The following MAP3K5 variants were observed in gnomAD, a reference collection of about 807,000 sequenced individuals.
The protein encoded by MAP3K5 is ASK-1.
In MAP3K5, 56 loss-of-function variants were observed where a neutral mutation model predicts 158.7. That is an observed-to-expected ratio of 0.35 (90% CI 0.28 to 0.44). The LOEUF (loss-of-function observed/expected upper bound fraction) is 0.44, where lower values mean the gene tolerates loss of function less well. Ranked by LOEUF, MAP3K5 falls within the 20% of genes least tolerant of loss-of-function variation. The pLI, the probability that MAP3K5 is intolerant of heterozygous loss-of-function variation, is 1.00. For synonymous variants in MAP3K5, 579 were observed against 601.7 expected, an observed-to-expected ratio of 0.96 and a Z score of 0.55; for missense variants, 1,294 against 1,674.8, an observed-to-expected ratio of 0.77 and a Z score of 3.97.
rs549291320 is a variant in MAP3K5, at chr6:136,690,316, G to GT, written c.1253+3823dup. Among the ~76,000 whole-genome samples the GT allele has an allele frequency of 4.3e-4, 65 of 151,262 alleles. 1 individual carries two copies. The highest frequency in any genetic ancestry group is 1.2e-3 in the African/African-American group (48 of 41,268). On this transcript the variant is annotated intron_variant, in intron 7 of 29. Coordinates refer to ENST00000359015, the MANE Select transcript of MAP3K5 (RefSeq NM_005923.4). The stretch of plus-strand genomic sequence containing the variant: ...GCTTACTTTGCTCAACTTTTTTAAA[G>GT]TTTTTTTTTATGTTAAAACTTTAAT...
Position 136,557,247 on chromosome 6 carries a change from C to A in MAP3K5, c.*511G>T. 1 of 153,688 alleles carries A rather than the reference C, an allele frequency of 6.5e-6. No homozygotes were observed. Among genetic ancestry groups the A allele is most frequent in the Admixed American group, 6.5e-5 (1 of 15,434 alleles). The allele number at this position is 153,688 out of a possible 1,614,324, so 9.5% of individuals were successfully genotyped here. On this transcript the variant is annotated 3_prime_UTR_variant, in exon 30 of 30. Coordinates refer to ENST00000359015, the MANE Select transcript of MAP3K5 (RefSeq NM_005923.4). The stretch of plus-strand genomic sequence containing the variant: ...ACAATTAACACAGAGAAGTAAAAAC[C>A]ATTGCTCTCAGATTCTGCACACTTA...
chr6:136,594,114 A>G (rs1775516794), intron 21 of MAP3K5, among the ~76,000 whole-genome samples: 1 of 152,252 alleles, frequency 6.6e-6, no homozygotes, highest in African/African-American at 2.4e-5. Context: ...GAAGCCACAA[A>G]GAGTTGCTGA....
intron 14 of MAP3K5, among the ~76,000 whole-genome samples, chr6:136,627,766 G>A (rs1777110034): frequency 6.6e-6 from 1 of 152,136 alleles, no homozygotes; most frequent in African/African-American, 2.4e-5. Flanking sequence ...CTGGAACTGT[G>A]AGCAAAGCAT....
chr6:136,788,623 C>T (rs978548783), intron 1 of MAP3K5, among the ~76,000 whole-genome samples: 1 of 152,174 alleles, frequency 6.6e-6, no homozygotes, highest in African/African-American at 2.4e-5. Flanking sequence ...AGAAGGCATA[C>T]AAGCAGCCAA....
At position 136,561,596 on chromosome 6, in the gene MAP3K5, A is replaced by G; in HGVS notation, c.3924T>C (p.Thr1308=). 6.2e-7 allele frequency: 1 copy of G among 1,613,930 alleles called. No individual in the cohort carries two copies. Among genetic ancestry groups the G allele is most frequent in the Non-Finnish European group, 8.5e-7 (1 of 1,179,776 alleles). ...GCCAGTCGGTAAGTTCAGAATCTTC[A>G]GTATTTGTGCCAGAAGAATTTAGAT... ...VFHLNSSGTN[T]EDSELTDWLR... is the part of the protein sequence containing the mutation. The change falls in exon 28 of 30, where the codon ACT becomes ACC. Residue 1308 remains threonine, a synonymous_variant. Transcript: ENST00000359015.
At chr6:136,623,094 G>A (rs1776883213) in intron 14 of MAP3K5, 113 bp from the exon 15 acceptor site, 5 of 936,222 alleles carry the variant, frequency 5.3e-6, no homozygotes, top group Non-Finnish European at 8.3e-6. Flanking sequence ...GGCATTAACA[G>A]GCTGAAGTTC....
chr6:136,716,915 T>TG (rs1451900734), intron 2 of MAP3K5, among the ~76,000 whole-genome samples: 5 of 152,088 alleles, frequency 3.3e-5, no homozygotes, highest in Non-Finnish European at 7.4e-5. Context: ...CCCAGCACTT[T>TG]GGGGGGCCGA....
At chr6:136,739,258 A>G (rs948453378) in intron 1 of MAP3K5, among the ~76,000 whole-genome samples, 1 of 152,176 alleles carries the variant, frequency 6.6e-6, no homozygotes, top group Admixed American at 6.5e-5. Flanking sequence ...CCTGCCTGCT[A>G]TGCCTGGGGT....
chr6:136,685,077 A>T (rs1780089604), intron 7 of MAP3K5, among the ~76,000 whole-genome samples: 1 of 152,004 alleles, frequency 6.6e-6, no homozygotes, highest in Non-Finnish European at 1.5e-5. Flanking sequence ...GCACTTTGGG[A>T]GGTGAGGCAG....
At chr6:136,664,446 C>T (rs910418857) in intron 8 of MAP3K5, among the ~76,000 whole-genome samples, 4 of 152,124 alleles carry the variant, frequency 2.6e-5, no homozygotes, top group African/African-American at 7.2e-5. Context: ...AACCACCCCC[C>T]ACCCCTGGTC....
At chr6:136,615,759 G>A (rs1284683263) in intron 15 of MAP3K5, among the ~76,000 whole-genome samples, 2 of 152,060 alleles carry the variant, frequency 1.3e-5, no homozygotes, top group Non-Finnish European at 1.5e-5. Flanking sequence ...TATAATGGAG[G>A]CTACAGGTGT....
chr6:136,611,440 T>C, intron 17 of MAP3K5, 53 bp from the exon 18 acceptor site: 1 of 1,029,390 alleles, frequency 9.7e-7, no homozygotes, highest in South Asian at 1.4e-5. Context: ...AGATACTGTC[T>C]GTTGTTGACT....
chr6:136,771,151 T>C (rs1036530329), intron 1 of MAP3K5, among the ~76,000 whole-genome samples: 2 of 152,152 alleles, frequency 1.3e-5, no homozygotes, highest in African/African-American at 4.8e-5. Flanking sequence ...GCTACAAATA[T>C]GAATTAGGGA....
chr6:136,645,209 A>C (rs904470132), intron 11 of MAP3K5, among the ~76,000 whole-genome samples: 5 of 152,188 alleles, frequency 3.3e-5, no homozygotes, highest in Non-Finnish European at 7.3e-5. Flanking sequence ...CTGGGATTAC[A>C]GGTGTGAGTC....
chr6:136,742,375 T>C (rs1374845931), intron 1 of MAP3K5, among the ~76,000 whole-genome samples: 1 of 150,790 alleles, frequency 6.6e-6, no homozygotes, highest in Admixed American at 6.6e-5. Flanking sequence ...GGCAATATAA[T>C]GAAACAAGGA....
intron 1 of MAP3K5, among the ~76,000 whole-genome samples, chr6:136,724,170 G>C (rs1443666123): frequency 6.6e-6 from 1 of 151,672 alleles, no homozygotes; most frequent in East Asian, 1.9e-4. Context: ...AATTTTTCCA[G>C]AGAACTGACA....
intron 1 of MAP3K5, among the ~76,000 whole-genome samples, chr6:136,769,738 GGGAAGGAAGGAA>G (rs1209835950): frequency 0.014 from 717 of 52,296 alleles, 31 homozygotes; most frequent in Non-Finnish European, 0.017. Flanking sequence ...AAGGGAGGAA[GGGAAGGAAGGAA>G]GGAAGGAAGG....
intron 1 of MAP3K5, among the ~76,000 whole-genome samples, chr6:136,758,269 T>C (rs945782980): frequency 6.6e-6 from 1 of 152,052 alleles, no homozygotes. Context: ...TTTAGAGCAC[T>C]AAAAAAAATT....
intron 3 of MAP3K5, among the ~76,000 whole-genome samples, chr6:136,700,852 G>A (rs556800543): frequency 3.3e-4 from 51 of 152,282 alleles, no homozygotes; most frequent in African/African-American, 1.2e-3. Flanking sequence ...AAAGAGATAC[G>A]TGGGACACCC....
Sources: allele counts gnomAD v4.1 joint callset (sites outside exome capture counted in the v4.1 genomes callset), GRCh38; gene constraint gnomAD v4.1.1; transcripts MANE v1.5; gene names NCBI Gene and HGNC (gene_info 2026-07-23, HGNC 2026-07-21).